Variants in SNTG1 observed in about 807,000 individuals in gnomAD.
SNTG1 encodes the protein syntrophin gamma 1.
SNTG1 carries 39 observed loss-of-function variants against 74.7 expected under a neutral mutation model. That is an observed-to-expected ratio of 0.52 (90% CI 0.40 to 0.68). The LOEUF is 0.68. Among genes scored for constraint, SNTG1 ranks in the 30% least tolerant of loss-of-function variants. The pLI is 0.00. For synonymous variants in SNTG1, 254 were observed against 217.1 expected, an observed-to-expected ratio of 1.17 and a Z score of -1.49; for missense variants, 685 against 609.5, an observed-to-expected ratio of 1.12 and a Z score of -1.30.
At chr8:50,064,666 C>G (rs1820759317) in intron 1 of SNTG1, among the ~76,000 whole-genome samples, 1 of 152,184 alleles carries the variant, frequency 6.6e-6, no homozygotes, top group Admixed American at 6.5e-5. Context: ...AATATGGGTT[C>G]CTGTGGCTCT....
intron 1 of SNTG1, among the ~76,000 whole-genome samples, chr8:49,992,542 C>T (rs931097219): frequency 1.3e-5 from 2 of 152,060 alleles, no homozygotes; most frequent in Non-Finnish European, 2.9e-5. Flanking sequence ...GGGTATAAGC[C>T]TTAAGTGCAT....
chr8:50,778,993 GT>G (rs2095649888), intron 18 of SNTG1, among the ~76,000 whole-genome samples: 1 of 152,116 alleles, frequency 6.6e-6, no homozygotes, highest in African/African-American at 2.4e-5. Context: ...TCTCAGGTTT[GT>G]CAAAGATCAG....
chr8:50,177,077 C>A (rs976564036), intron 2 of SNTG1, among the ~76,000 whole-genome samples: 9 of 152,154 alleles, frequency 5.9e-5, no homozygotes, highest in African/African-American at 2.2e-4. Flanking sequence ...ACAAGAAAAT[C>A]TTTAGGTCAC....
chr8:49,978,981 C>T (rs1812428213), intron 1 of SNTG1, among the ~76,000 whole-genome samples: 1 of 152,168 alleles, frequency 6.6e-6, no homozygotes, highest in Non-Finnish European at 1.5e-5. Flanking sequence ...AATCTTCTTC[C>T]ACACTTGGGT....
intron 13 of SNTG1, among the ~76,000 whole-genome samples, chr8:50,609,120 A>C (rs927511752): frequency 1.3e-5 from 2 of 152,072 alleles, no homozygotes; most frequent in Non-Finnish European, 2.9e-5. Context: ...TAATAAAAAT[A>C]AGTAACAGCT....
chr8:50,300,089 C>T (rs1440228504), intron 2 of SNTG1, among the ~76,000 whole-genome samples: 3 of 152,040 alleles, frequency 2.0e-5, no homozygotes, highest in Non-Finnish European at 4.4e-5. Flanking sequence ...ATCTCATTCA[C>T]AAAAGAGGAA....
At chr8:50,270,719 A>AT (rs1169101316) in intron 2 of SNTG1, among the ~76,000 whole-genome samples, 12 of 152,204 alleles carry the variant, frequency 7.9e-5, no homozygotes, top group African/African-American at 2.9e-4. Flanking sequence ...TTTTGAGTGC[A>AT]TTATGAATGA....
chr8:49,980,674 T>C (rs1812599511), intron 1 of SNTG1, among the ~76,000 whole-genome samples: 1 of 152,102 alleles, frequency 6.6e-6, no homozygotes, highest in African/African-American at 2.4e-5. Flanking sequence ...ATTGTACTTT[T>C]ATATTATACA....
At chr8:50,194,675 C>T (rs547746018) in intron 2 of SNTG1, among the ~76,000 whole-genome samples, 25 of 152,052 alleles carry the variant, frequency 1.6e-4, no homozygotes, top group African/African-American at 5.5e-4. Flanking sequence ...TTTAGTTCTG[C>T]TCTGATCTTG....
At chr8:50,639,641 A>C (rs1305560003) in intron 13 of SNTG1, among the ~76,000 whole-genome samples, 1 of 152,062 alleles carries the variant, frequency 6.6e-6, no homozygotes, top group Non-Finnish European at 1.5e-5. Flanking sequence ...GACAGAAAAA[A>C]ATATTAAATT....
chr8:49,972,527 A>G (rs1279143894), intron 1 of SNTG1, among the ~76,000 whole-genome samples: 1 of 152,200 alleles, frequency 6.6e-6, no homozygotes, highest in Non-Finnish European at 1.5e-5. Flanking sequence ...GGATCTAATT[A>G]AACTAAAGAG....
At chr8:49,931,238 GTGGCCGACCAACAGTT>G (rs1249776526) in intron 1 of SNTG1, among the ~76,000 whole-genome samples, 4 of 152,212 alleles carry the variant, frequency 2.6e-5, no homozygotes, top group African/African-American at 9.6e-5. Context: ...CATTTACAAT[GTGGCCGACCAACAGTT>G]TGGCCTTATT....
At chr8:50,565,708 T>C (rs777626415) in intron 12 of SNTG1, among the ~76,000 whole-genome samples, 4 of 151,952 alleles carry the variant, frequency 2.6e-5, no homozygotes, top group Non-Finnish European at 5.9e-5. Flanking sequence ...AAGAGTCTAG[T>C]TGGGAAGGGA....
chr8:50,716,409 A>AT (rs1391163533), intron 17 of SNTG1, among the ~76,000 whole-genome samples: 2 of 151,780 alleles, frequency 1.3e-5, no homozygotes, highest in South Asian at 4.1e-4. Context: ...TTATATATAT[A>AT]TTTTTTCTTT....
rs190902335 is a variant in SNTG1, at chr8:50,403,692, A to G, written c.162+1348A>G. ...AATAAAGCTCAGAGTGCTAGGAATA[A>G]TGAAGAGAATTAAGGAGAAATATCC... On this transcript the variant is annotated intron_variant, in intron 4 of 18. Coordinates refer to ENST00000642720, the MANE Select transcript of SNTG1 (RefSeq NM_018967.5). Among the ~76,000 whole-genome samples the G allele has an allele frequency of 2.0e-3, 308 of 152,358 alleles. 1 individual carries two copies. The highest frequency in any genetic ancestry group is 7.0e-3 in the African/African-American group (291 of 41,598).
At chr8:50,190,463 CT>C (rs1341526250) in intron 2 of SNTG1, among the ~76,000 whole-genome samples, 2 of 152,050 alleles carry the variant, frequency 1.3e-5, no homozygotes, top group Non-Finnish European at 2.9e-5. Context: ...AAGGTTATGA[CT>C]TTGCAATCAG....
chr8:50,659,962 C>A (rs1045338001), intron 15 of SNTG1, among the ~76,000 whole-genome samples: 2 of 152,084 alleles, frequency 1.3e-5, no homozygotes, highest in African/African-American at 4.8e-5. Context: ...GCCTCAGCCT[C>A]CTGAGTAGCT....
chr8:50,116,019 A>G (rs1350329687), intron 1 of SNTG1, among the ~76,000 whole-genome samples: 3 of 152,194 alleles, frequency 2.0e-5, no homozygotes, highest in Non-Finnish European at 4.4e-5. Context: ...TCACAGCACC[A>G]TGAGCGTAAC....
intron 1 of SNTG1, among the ~76,000 whole-genome samples, chr8:49,947,094 G>A (rs2129385234): frequency 6.6e-6 from 1 of 152,272 alleles, no homozygotes; most frequent in East Asian, 1.9e-4. Context: ...GAGGCCAAGA[G>A]TTTGAGACCA....
Sources: allele counts gnomAD v4.1 joint callset (sites outside exome capture counted in the v4.1 genomes callset), GRCh38; gene constraint gnomAD v4.1.1; transcripts MANE v1.5; gene names NCBI Gene and HGNC (gene_info 2026-07-23, HGNC 2026-07-21).